MCTP1: variants seen among roughly 807,000 people sequenced by gnomAD.
MCTP1 encodes the protein multiple C2 and transmembrane domain-containing protein 1.
MCTP1 carries 69 observed loss-of-function variants against 120.6 expected under a neutral mutation model. The ratio of observed to expected loss-of-function variants is 0.57; its 90% CI spans 0.47 to 0.70. MCTP1 has a LOEUF of 0.70. Ranked by LOEUF, MCTP1 falls within the 30% of genes least tolerant of loss-of-function variation. MCTP1 has a pLI of 0.00. For synonymous variants in MCTP1, 529 were observed against 493.1 expected (o/e 1.07, Z -0.96); for missense variants, 1,203 against 1,248.8 (o/e 0.96, Z 0.55).
chr5:94,992,224 T>C (rs1194945137), intron 2 of MCTP1, among the ~76,000 whole-genome samples: 1 of 152,214 alleles, frequency 6.6e-6, no homozygotes, highest in Non-Finnish European at 1.5e-5. Flanking sequence ...GCAGTTCTCA[T>C]TTGGGAATAT....
chr5:95,204,755 T>C (rs1025496056), intron 1 of MCTP1, among the ~76,000 whole-genome samples: 1 of 152,000 alleles, frequency 6.6e-6, no homozygotes, highest in Non-Finnish European at 1.5e-5. Flanking sequence ...AAAAAATAAT[T>C]CATTTACAAT....
At chr5:95,242,061 G>A (rs938137526) in intron 1 of MCTP1, among the ~76,000 whole-genome samples, 2 of 152,078 alleles carry the variant, frequency 1.3e-5, no homozygotes, top group African/African-American at 2.4e-5. Context: ...TCAGAGAAAT[G>A]CTTATCATCA....
In MCTP1 at chr5:95,030,279, C is replaced by T. The variant is rs557528815; in HGVS notation, c.721-12795G>A. 2.6e-5 allele frequency among the ~76,000 whole-genome samples: 4 copies of T among 152,344 alleles called. No individual in the cohort carries two copies. The East Asian group carries it at 7.7e-4, about 29-fold the overall frequency. ...TCAGTGTACCACAACACAATCTCTTCCTGCCAATACCCCTTCAGGGTGGGT... is the reference window on the plus strand; with the variant it reads ...TCAGTGTACCACAACACAATCTCTTTCTGCCAATACCCCTTCAGGGTGGGT... On this transcript the variant is annotated intron_variant, in intron 1 of 22. Transcript: ENST00000515393.
chr5:94,936,871 A>G (rs1663600003), intron 5 of MCTP1, among the ~76,000 whole-genome samples: 1 of 152,030 alleles, frequency 6.6e-6, no homozygotes, highest in African/African-American at 2.4e-5. Context: ...CAGAATTTCC[A>G]ATGGGGGAAT....
chr5:95,122,882 A>G (rs928371192), intron 1 of MCTP1, among the ~76,000 whole-genome samples: 1 of 152,250 alleles, frequency 6.6e-6, no homozygotes, highest in Non-Finnish European at 1.5e-5. Context: ...GTTAAATGAA[A>G]TAAGCCAGGC....
chr5:95,235,567 A>T (rs1365369685), intron 1 of MCTP1, among the ~76,000 whole-genome samples: 1 of 152,098 alleles, frequency 6.6e-6, no homozygotes, highest in Non-Finnish European at 1.5e-5. Context: ...TTCCAGAAAA[A>T]TGCACATCAT....
intron 2 of MCTP1, among the ~76,000 whole-genome samples, chr5:94,961,875 T>C (rs1824309015): frequency 6.6e-6 from 1 of 152,182 alleles, no homozygotes; most frequent in African/African-American, 2.4e-5. Context: ...TTCACCTCCT[T>C]AGCCCACTTT....
chr5:95,000,685 T>C (rs1833502298), intron 2 of MCTP1, among the ~76,000 whole-genome samples: 1 of 152,154 alleles, frequency 6.6e-6, no homozygotes, highest in Non-Finnish European at 1.5e-5. Flanking sequence ...ATGACAAGAC[T>C]CAAAAAATTC....
chr5:94,899,840 C>T (rs1447300512), intron 10 of MCTP1, among the ~76,000 whole-genome samples: 1 of 152,194 alleles, frequency 6.6e-6, no homozygotes. Context: ...CTAGTATTCC[C>T]TGCCTCATGT....
intron 19 of MCTP1, among the ~76,000 whole-genome samples, chr5:94,736,339 C>G (rs185386322): frequency 5.2e-4 from 79 of 152,126 alleles, no homozygotes; most frequent in African/African-American, 1.8e-3. Context: ...AAAAAACTAG[C>G]TGGGCTTGGG....
intron 1 of MCTP1, among the ~76,000 whole-genome samples, chr5:95,246,298 T>C (rs1284414326): frequency 6.6e-6 from 1 of 152,126 alleles, no homozygotes; most frequent in Non-Finnish European, 1.5e-5. Context: ...GCTAACATCA[T>C]AATGACAGGA....
chr5:94,871,334 A>G lies in MCTP1; in HGVS notation c.2120T>C (p.Val707Ala). The G allele has an allele frequency of 6.2e-7, 1 of 1,609,860 alleles. No individual in the cohort carries two copies. The highest frequency in any genetic ancestry group is 8.5e-7 in the Non-Finnish European group (1 of 1,176,512). Residue 707 changes from valine (V) to alanine (A), a missense_variant, in exon 14 of 23, where the codon GTT (valine) becomes GCT (alanine). Transcript: ENST00000515393. The stretch of plus-strand genomic sequence containing the variant: ...ACTTACAGACAGCAATGGTATAGCA[A>G]CTTTGCCCAGAAAGTCAGCACTTCG... ...RDRSADFLGK[V>A]AIPLLSIQNG...
At position 94,744,249 on chromosome 5, in the gene MCTP1, T is replaced by C. The variant is rs146822570; in HGVS notation, c.2611-29363A>G. On this transcript the variant is annotated intron_variant, in intron 19 of 22. Transcript: ENST00000515393. ...TTGGCCTCCCAAAGTGCTCGGATTA[T>C]AGGCGTGAGCCGTTGAGCTCAGCTT... 5.5e-4 allele frequency among the ~76,000 whole-genome samples: 84 copies of C among 152,356 alleles called. 2 individuals are homozygous for C. In the South Asian group the frequency reaches 0.01, roughly 19 times the overall value.
At chr5:94,931,827 G>T in intron 6 of MCTP1, 126 bp downstream of exon 6, 2 of 731,062 alleles carry the variant, frequency 2.7e-6, no homozygotes, top group Non-Finnish European at 2.3e-6. Context: ...TAAATTTATG[G>T]GGAAAAGTAA....
At chr5:95,222,068 C>A (rs551585371) in intron 1 of MCTP1, among the ~76,000 whole-genome samples, 4 of 152,336 alleles carry the variant, frequency 2.6e-5, no homozygotes, top group Non-Finnish European at 5.9e-5. Context: ...TCATTTATTT[C>A]TCTTTCAAAC....
At position 94,953,943 on chromosome 5, in the gene MCTP1, A is replaced by AATATATATATGCATATATATACAAAT. The variant is rs147179108; in HGVS notation, c.839-583_839-582insATTTGTATATATATGCATATATATAT. ...AATATAATATATGCATATATATACA[A>AATATATATATGCATATATATACAAAT]ATATATATGCATATATATACAAATA... On this transcript the variant is annotated intron_variant, in intron 2 of 22. Transcript: ENST00000515393. Among the ~76,000 whole-genome samples the AATATATATATGCATATATATACAAAT allele has an allele frequency of 4.9e-3, 101 of 20,798 alleles. 33 individuals are homozygous for AATATATATATGCATATATATACAAAT. The highest frequency in any genetic ancestry group is 8.6e-3 in the African/African-American group (40 of 4,678). 13.6% of individuals were successfully genotyped at this position (20,798 alleles called of 152,430 possible). A position where few individuals can be genotyped will look rare whatever the true frequency, so the allele number is the denominator to read the frequency against.
intron 1 of MCTP1, among the ~76,000 whole-genome samples, chr5:95,098,947 G>C (rs76521380): frequency 0.39 from 58,749 of 151,784 alleles, 11,611 homozygotes; most frequent in African/African-American, 0.47. Flanking sequence ...GAACAGAACA[G>C]AGCCCTCAGA....
chr5:94,861,581 C>A (rs1312414095), intron 17 of MCTP1, among the ~76,000 whole-genome samples: 1 of 151,770 alleles, frequency 6.6e-6, no homozygotes, highest in Non-Finnish European at 1.5e-5. Context: ...ATAATTAGAT[C>A]ATTTATTTAA....
intron 1 of MCTP1, among the ~76,000 whole-genome samples, chr5:95,260,775 C>T (rs1175799507): frequency 6.6e-6 from 1 of 152,040 alleles, no homozygotes; most frequent in Non-Finnish European, 1.5e-5. Context: ...TTTCTTCTCC[C>T]CTCGCACGTT....
Sources: allele counts gnomAD v4.1 joint callset (sites outside exome capture counted in the v4.1 genomes callset), GRCh38; gene constraint gnomAD v4.1.1; transcripts MANE v1.5; gene names NCBI Gene and HGNC (gene_info 2026-07-23, HGNC 2026-07-21).